Variants in KNL1 observed in about 807,000 individuals in gnomAD.
KNL1 encodes kinetochore scaffold 1, also known as outer kinetochore KNL1 complex subunit KNL1.
KNL1 carries 66 observed loss-of-function variants against 201.3 expected under a neutral mutation model. The observed-to-expected ratio is 0.33, with a 90% confidence interval of 0.27 to 0.40. The LOEUF is 0.40. Ranked by LOEUF, KNL1 falls within the 10% of genes least tolerant of loss-of-function variation. The pLI is 1.00. For missense variants in KNL1, 2,815 were observed against 2,690.5 expected, an observed-to-expected ratio of 1.05 and a Z score of -1.02; for synonymous variants, 895 against 899.2, an observed-to-expected ratio of 1.00 and a Z score of 0.08.
intron 1 of KNL1, among the ~76,000 whole-genome samples, chr15:40,602,118 C>T (rs1448650024): frequency 6.6e-6 from 1 of 151,396 alleles, no homozygotes; most frequent in African/African-American, 2.4e-5. Context: ...CAAGCTCCGC[C>T]TCCCGGGTTC....
chr15:40,622,393 T>A lies in KNL1; in HGVS notation c.2129T>A (p.Met710Lys). 6.2e-7 allele frequency: 1 copy of A among 1,613,828 alleles called. No individual in the cohort carries two copies. Among genetic ancestry groups the A allele is most frequent in the Non-Finnish European group, 8.5e-7 (1 of 1,179,826 alleles). ...KPLFSSGQFS[M>K]KNHDTAISSH... is the part of the protein sequence containing the mutation. ...TTATTTTCATCAGGACAGTTCTCTA[T>A]GAAAAATCATGATACTGCTATAAGT... The change falls in exon 10 of 26, where the codon ATG becomes AAG. Residue 710 changes from methionine (M) to lysine (K), a missense_variant. By Grantham distance (95) the Met-to-Lys change is moderately conservative. Transcript: ENST00000399668.
At chr15:40,619,598 C>T (rs185718956) in intron 9 of KNL1, among the ~76,000 whole-genome samples, 2 of 151,926 alleles carry the variant, frequency 1.3e-5, no homozygotes, top group Admixed American at 1.3e-4. Context: ...GAGACAAGGT[C>T]TCACTCTGTT....
chr15:40,639,006 TG>T (rs1438026304), intron 13 of KNL1, among the ~76,000 whole-genome samples: 2 of 151,210 alleles, frequency 1.3e-5, no homozygotes, highest in Admixed American at 6.6e-5. Flanking sequence ...TTGGTCAGGC[TG>T]GTCACCAACT....
chr15:40,602,222 A>G (rs947211133), intron 1 of KNL1, among the ~76,000 whole-genome samples: 88 of 146,466 alleles, frequency 6.0e-4, no homozygotes, highest in African/African-American at 2.1e-3. Flanking sequence ...TTTAGTAGAG[A>G]CGGGGTTTCA....
chr15:40,648,635 C>T (rs933397968), intron 17 of KNL1, among the ~76,000 whole-genome samples: 14 of 152,216 alleles, frequency 9.2e-5, no homozygotes, highest in Middle Eastern at 3.4e-3. Context: ...CCTATTAAGG[C>T]TCACCTTAAT....
At chr15:40,639,292 A>C (rs1893150587) in intron 13 of KNL1, among the ~76,000 whole-genome samples, 1 of 151,490 alleles carries the variant, frequency 6.6e-6, no homozygotes, top group South Asian at 2.1e-4. Flanking sequence ...CATAACTAAA[A>C]AAAAAAATTT....
At chr15:40,599,860 C>G (rs1179138679) in intron 1 of KNL1, among the ~76,000 whole-genome samples, 1 of 141,178 alleles carries the variant, frequency 7.1e-6, no homozygotes, top group African/African-American at 2.7e-5. Flanking sequence ...AGTACAGTAG[C>G]TATTCACGGT....
At chr15:40,657,184 T>A (rs1051878650) in intron 23 of KNL1, 33 bp downstream of exon 23, 2 of 1,356,070 alleles carry the variant, frequency 1.5e-6, no homozygotes, top group African/African-American at 2.9e-5. Flanking sequence ...AAAGGAAAAT[T>A]TGTGATATCT....
At chr15:40,647,214 C>A (rs1346337984) in intron 17 of KNL1, 140 bp downstream of exon 17, 4 of 533,136 alleles carry the variant, frequency 7.5e-6, no homozygotes, top group Non-Finnish European at 1.4e-5. Context: ...TTGGCTCACG[C>A]CTGTAATCCC....
chr15:40,623,762 C>G lies in KNL1; in HGVS notation c.3498C>G (p.Val1166=). Residue 1166 remains valine, a synonymous_variant, in exon 10 of 26, where the codon GTC becomes GTG. Coordinates refer to ENST00000399668, the MANE Select transcript of KNL1 (RefSeq NM_144508.5). ...CAGATAATTACAGTGATCTGGAAGTCACCGATTCCCATACTGTTTTCATTG... is the reference window on the plus strand; with the variant it reads ...CAGATAATTACAGTGATCTGGAAGTGACCGATTCCCATACTGTTTTCATTG... ...LFTDNYSDLE[V]TDSHTVFIDC... The G allele has an allele frequency of 6.2e-7, 1 of 1,613,860 alleles. No homozygotes were observed. Among genetic ancestry groups the G allele is most frequent in the Non-Finnish European group, 8.5e-7 (1 of 1,179,882 alleles).
intron 13 of KNL1, among the ~76,000 whole-genome samples, chr15:40,636,748 T>G (rs534076923): frequency 1.3e-5 from 2 of 152,256 alleles, no homozygotes; most frequent in African/African-American, 4.8e-5. Context: ...GGAGAATCAC[T>G]TGAACCCGGG....
chr15:40,607,222 A>G (rs1892005425), intron 4 of KNL1, among the ~76,000 whole-genome samples: 1 of 152,244 alleles, frequency 6.6e-6, no homozygotes, highest in Admixed American at 6.5e-5. Context: ...TGTCAGATGT[A>G]TAATGTGCCA....
intron 4 of KNL1, among the ~76,000 whole-genome samples, chr15:40,606,681 C>T (rs1891985789): frequency 6.6e-6 from 1 of 152,214 alleles, no homozygotes; most frequent in Admixed American, 6.5e-5. Flanking sequence ...TCCCTGCAGC[C>T]TTGCATTCCT....
At chr15:40,630,879 G>T (rs1005961942) in intron 13 of KNL1, among the ~76,000 whole-genome samples, 5 of 152,094 alleles carry the variant, frequency 3.3e-5, no homozygotes, top group Non-Finnish European at 7.4e-5. Context: ...CAGCACTTTG[G>T]GAGGCCCAGG....
intron 8 of KNL1, among the ~76,000 whole-genome samples, chr15:40,616,082 C>T (rs1892335074): frequency 6.8e-6 from 1 of 148,044 alleles, no homozygotes; most frequent in Non-Finnish European, 1.5e-5. Context: ...TTGTTCTTTA[C>T]ACATTGTCTT....
At chr15:40,610,194 G>C (rs1892107045) in intron 5 of KNL1, 51 bp from the exon 6 acceptor site, 3 of 983,318 alleles carry the variant, frequency 3.1e-6, no homozygotes, top group Non-Finnish European at 4.9e-6. Flanking sequence ...AACACCAAAA[G>C]ATAATGATTA....
chr15:40,645,572 A>G (rs1460673286), intron 15 of KNL1, 84 bp from the exon 16 acceptor site: 2 of 613,090 alleles, frequency 3.3e-6, no homozygotes, highest in Non-Finnish European at 5.5e-6. Flanking sequence ...GCCTTAGGAT[A>G]GGCAAAGCCT....
At chr15:40,658,987 G>A (rs944632937) in intron 24 of KNL1, among the ~76,000 whole-genome samples, 5 of 150,924 alleles carry the variant, frequency 3.3e-5, no homozygotes, top group Admixed American at 1.3e-4. Flanking sequence ...ACATGCCAGC[G>A]TAAAAATAAA....
Position 40,659,397 on chromosome 15 carries a change from C to T in KNL1, c.6772C>T (p.Leu2258Phe), listed in dbSNP as rs964086168. The T allele has an allele frequency of 6.2e-7, 1 of 1,613,172 alleles. No homozygotes were observed. The highest frequency in any genetic ancestry group is 8.5e-7 in the Non-Finnish European group (1 of 1,179,146). ...AFAKFEITLF[L>F]SAYYPSVPLP... Reference sequence around the variant, plus strand: ...TGCAAAGTTTGAAATAACTTTGTTTCTCTCAGCCTATTATCCATCTGTACC... The same window carrying T: ...TGCAAAGTTTGAAATAACTTTGTTTTTCTCAGCCTATTATCCATCTGTACC... The change falls in exon 25 of 26, where the codon CTC (leucine) becomes TTC (phenylalanine). Residue 2258 changes from leucine (L) to phenylalanine (F), a missense_variant. Leu to Phe is a conservative substitution (Grantham distance 22, BLOSUM62 0). Transcript: ENST00000399668.
Sources: gnomAD v4.1 joint callset for allele counts (sites outside exome capture counted in the v4.1 genomes callset) on GRCh38, gnomAD v4.1.1 for gene constraint, MANE v1.5 for transcripts, NCBI Gene and HGNC (gene_info 2026-07-23, HGNC 2026-07-21) for gene names.